The following GLG1 variants were observed in gnomAD, a reference collection of about 807,000 sequenced individuals.
GLG1 encodes Golgi apparatus protein 1.
A neutral mutation model predicts 160.5 loss-of-function variants in GLG1; 38 were observed. That is an observed-to-expected ratio of 0.24 (90% CI 0.18 to 0.31). The LOEUF (loss-of-function observed/expected upper bound fraction) is 0.31, where lower values mean the gene tolerates loss of function less well. Among genes scored for constraint, GLG1 ranks in the 10% least tolerant of loss-of-function variants. GLG1 has a pLI of 1.00. For synonymous variants in GLG1, 644 were observed against 543.4 expected (o/e 1.19, Z -2.57); for missense variants, 1,373 against 1,505.2 (o/e 0.91, Z 1.45).
intron 1 of GLG1, among the ~76,000 whole-genome samples, chr16:74,533,442 T>G (rs1336352160): frequency 1.8e-4 from 27 of 152,214 alleles, no homozygotes. Context: ...TCCTTGTTCG[T>G]GCCTTCAAAG....
intron 1 of GLG1, among the ~76,000 whole-genome samples, chr16:74,595,344 T>C (rs774634668): frequency 6.6e-6 from 1 of 151,766 alleles, no homozygotes; most frequent in Non-Finnish European, 1.5e-5. Flanking sequence ...GAGACCATCC[T>C]GGCTAACACG....
chr16:74,559,160 T>C (rs1262279747), intron 1 of GLG1, among the ~76,000 whole-genome samples: 3 of 152,208 alleles, frequency 2.0e-5, no homozygotes, highest in Non-Finnish European at 4.4e-5. Context: ...CCTGAACCAC[T>C]GGGCCTGGCC....
rs2017921205 is a variant in GLG1 at position 74,542,746 on chromosome 16, G to GAAGGAAGGAAGGAAGGAAGGAAGGAAGGA, written c.439-10622_439-10594dup. 8.3e-4 allele frequency among the ~76,000 whole-genome samples: 9 copies of GAAGGAAGGAAGGAAGGAAGGAAGGAAGGA among 10,800 alleles called. 1 individual carries two copies. The highest frequency in any genetic ancestry group is 2.1e-3 in the Non-Finnish European group (7 of 3,392). The allele number at this position is 10,800 out of a possible 152,430, so 7.1% of individuals were successfully genotyped here. A position where few individuals can be genotyped will look rare whatever the true frequency, so the allele number is the denominator to read the frequency against. On this transcript the variant is annotated intron_variant, in intron 1 of 25. Coordinates refer to ENST00000422840, the MANE Select transcript of GLG1 (RefSeq NM_001145667.2). ...GGAAGGAAGGAAGGGAGGAAGGAAG[G>GAAGGAAGGAAGGAAGGAAGGAAGGAAGGA]AAGGAAGGAAGGAAGGAAGGAAGGA...
intron 19 of GLG1, 56 bp downstream of exon 19, chr16:74,465,620 T>G: frequency 6.3e-7 from 1 of 1,575,822 alleles, no homozygotes; most frequent in Non-Finnish European, 8.7e-7. Context: ...TGCCATTGTT[T>G]GTGCTTTGTT....
chr16:74,485,073 C>T (rs2015744374), intron 9 of GLG1, among the ~76,000 whole-genome samples: 2 of 152,148 alleles, frequency 1.3e-5, no homozygotes, highest in African/African-American at 4.8e-5. Context: ...ACCACCACGC[C>T]AGCTGATTTT....
intron 1 of GLG1, among the ~76,000 whole-genome samples, chr16:74,603,465 A>T (rs1359725357): frequency 6.6e-6 from 1 of 151,914 alleles, no homozygotes; most frequent in East Asian, 1.9e-4. Flanking sequence ...TTTATTAGAG[A>T]CGGTGTCTCA....
intron 8 of GLG1, among the ~76,000 whole-genome samples, chr16:74,486,190 T>A (rs1046741608): frequency 2.0e-5 from 3 of 152,234 alleles, no homozygotes; most frequent in African/African-American, 7.2e-5. Flanking sequence ...AACATGAATA[T>A]GAAGGCTGCC....
At chr16:74,479,031 C>A (rs1356090385) in intron 11 of GLG1, among the ~76,000 whole-genome samples, 1 of 93,104 alleles carries the variant, frequency 1.1e-5, no homozygotes, top group South Asian at 3.2e-4. Context: ...CATGGAGAAA[C>A]CCCGTCTCTA....
At chr16:74,456,605 T>A in intron 25 of GLG1, 44 bp downstream of exon 25, 2 of 1,166,540 alleles carry the variant, frequency 1.7e-6, no homozygotes, top group Non-Finnish European at 2.6e-6. Flanking sequence ...AAGTGTTCCA[T>A]ATTTTTTTGT....
chr16:74,569,945 G>C lies in GLG1; in HGVS notation c.438+36712C>G, dbSNP rs540725650. ...CACCTGTAATTCCAGCATTTTGGGA[G>C]GCTGAGGCCAGTGGATCGCTTGAGC... On this transcript the variant is annotated intron_variant, in intron 1 of 25. Coordinates refer to ENST00000422840, the MANE Select transcript of GLG1 (RefSeq NM_001145667.2). 5.9e-4 allele frequency among the ~76,000 whole-genome samples: 90 copies of C among 151,278 alleles called. No individual in the cohort carries two copies. The South Asian group carries it at 0.013, about 22-fold the overall frequency.
In GLG1 at chr16:74,453,224, A is replaced by C; in HGVS notation, c.3483T>G (p.Ile1161Met). 1.2e-6 allele frequency: 2 copies of C among 1,614,030 alleles called. No homozygotes were observed. The highest frequency in any genetic ancestry group is 1.7e-6 in the Non-Finnish European group (2 of 1,179,904). Reference protein sequence around the residue: ...ISGSICILFLIGLMCGRITKR... With the variant: ...ISGSICILFLMGLMCGRITKR... ...TGGTGATCCGTCCACACATCAGGCC[A>C]ATCAGGAACAATATACAGATGCTCC... The change falls in exon 26 of 26, where the codon ATT (isoleucine) becomes ATG (methionine). Residue 1161 changes from isoleucine (I) to methionine (M), a missense_variant. This residue lies in a region of GLG1 where 491 missense variants were observed against 632.1 expected (regional missense o/e 0.78). Transcript: ENST00000422840.
intron 3 of GLG1, among the ~76,000 whole-genome samples, chr16:74,508,118 A>T (rs545117565): frequency 6.0e-4 from 91 of 152,212 alleles, no homozygotes; most frequent in African/African-American, 2.1e-3. Context: ...TCTGGATGAG[A>T]CAGGGTCTTC....
At position 74,447,663 on chromosome 16, in the gene GLG1, G is replaced by A. The variant is rs2014120773; in HGVS notation, c.*5504C>T. On this transcript the variant is annotated 3_prime_UTR_variant, in exon 26 of 26. Transcript: ENST00000422840. ...AAAAACAAAACAAAACAAAAAAAGTGAAAAGCCTAAGATCTCACACAGCAT... is the reference window on the plus strand; with the variant it reads ...AAAAACAAAACAAAACAAAAAAAGTAAAAAGCCTAAGATCTCACACAGCAT... The A allele has an allele frequency of 6.6e-6, 1 of 152,224 alleles. No individual in the cohort carries two copies. 9.4% of individuals were successfully genotyped at this position (152,224 alleles called of 1,614,324 possible).
At chr16:74,583,192 G>C (rs1957975669) in intron 1 of GLG1, among the ~76,000 whole-genome samples, 1 of 152,106 alleles carries the variant, frequency 6.6e-6, no homozygotes, top group Admixed American at 6.6e-5. Context: ...CATTCTTTAA[G>C]AGGGCTTGGC....
chr16:74,570,636 C>T (rs1008208864), intron 1 of GLG1, among the ~76,000 whole-genome samples: 1 of 152,170 alleles, frequency 6.6e-6, no homozygotes, highest in African/African-American at 2.4e-5. Flanking sequence ...TGGCTCTCAT[C>T]TGTAATCACA....
intron 25 of GLG1, among the ~76,000 whole-genome samples, chr16:74,455,828 A>G (rs1477085075): frequency 6.6e-6 from 1 of 152,228 alleles, no homozygotes; most frequent in African/African-American, 2.4e-5. Context: ...TAAAGTGACG[A>G]AACAGTCATT....
At chr16:74,499,664 G>T (rs780672525) in intron 4 of GLG1, among the ~76,000 whole-genome samples, 1 of 152,170 alleles carries the variant, frequency 6.6e-6, no homozygotes. Flanking sequence ...TATCCTCATC[G>T]ATAAGCAACG....
chr16:74,569,592 T>C (rs1426183796), intron 1 of GLG1, among the ~76,000 whole-genome samples: 1 of 152,186 alleles, frequency 6.6e-6, no homozygotes, highest in Admixed American at 6.5e-5. Flanking sequence ...CCATGCACAG[T>C]GGCTCACACT....
intron 1 of GLG1, among the ~76,000 whole-genome samples, chr16:74,534,449 T>C (rs1249887940): frequency 6.6e-6 from 1 of 152,278 alleles, no homozygotes; most frequent in African/African-American, 2.4e-5. Context: ...TCTCTACTTA[T>C]ACTCATTTCT....
Sources: allele counts gnomAD v4.1 joint callset (sites outside exome capture counted in the v4.1 genomes callset), GRCh38; gene constraint gnomAD v4.1.1; regional missense constraint gnomAD v4.1.1; transcripts MANE v1.5; gene names NCBI Gene and HGNC (gene_info 2026-07-23, HGNC 2026-07-21).